Variants in RMND5A observed in about 807,000 individuals in gnomAD.
The protein encoded by RMND5A is required for meiotic nuclear division 5 homolog A.
RMND5A carries 17 observed loss-of-function variants against 49.7 expected under a neutral mutation model. That is an observed-to-expected ratio of 0.34 (90% CI 0.23 to 0.51). The LOEUF (loss-of-function observed/expected upper bound fraction) is 0.51. RMND5A is among the 20% of genes least tolerant of loss of function. The pLI, the probability that RMND5A is intolerant of heterozygous loss-of-function variation, is 0.96. For missense variants in RMND5A, 255 were observed against 471.3 expected (o/e 0.54, Z 4.25); for synonymous variants, 156 against 167.7 (o/e 0.93, Z 0.54).
rs1167011108 is a variant in RMND5A at position 86,774,875 on chromosome 2, A to G, written c.*1464A>G. The G allele has an allele frequency of 6.6e-6, 1 of 152,654 alleles. No homozygotes were observed. Among genetic ancestry groups the G allele is most frequent in the Admixed American group, 6.5e-5 (1 of 15,280 alleles). The allele number at this position is 152,654 out of a possible 1,614,324, so 9.5% of individuals were successfully genotyped here. A position where few individuals can be genotyped will look rare whatever the true frequency, so the allele number is the denominator to read the frequency against. ...AGATTTGGTGCTAAGTTAATTAGAAACTGGCAGCGTTTTACAGTAGTACAC... is the reference window on the plus strand; with the variant it reads ...AGATTTGGTGCTAAGTTAATTAGAAGCTGGCAGCGTTTTACAGTAGTACAC... On this transcript the variant is annotated 3_prime_UTR_variant, in exon 9 of 9. Coordinates refer to ENST00000283632, the MANE Select transcript of RMND5A (RefSeq NM_022780.4).
At chr2:86,765,708 A>G (rs1672578761) in intron 5 of RMND5A, 151 bp from the exon 6 acceptor site, 2 of 609,544 alleles carry the variant, frequency 3.3e-6, no homozygotes, top group Admixed American at 3.2e-5. Flanking sequence ...TTAATTTAGG[A>G]TGAAGGAAGA....
intron 1 of RMND5A, among the ~76,000 whole-genome samples, chr2:86,732,674 T>C (rs1487513541): frequency 6.7e-6 from 1 of 149,672 alleles, no homozygotes; most frequent in Non-Finnish European, 1.5e-5. Flanking sequence ...TATACTTTTA[T>C]AGGGTCACAT....
At chr2:86,732,680 C>A (rs1681353498) in intron 1 of RMND5A, among the ~76,000 whole-genome samples, 1 of 149,114 alleles carries the variant, frequency 6.7e-6, no homozygotes, top group East Asian at 1.9e-4. Context: ...TTTATAGGGT[C>A]ACATTATATA....
Position 86,765,995 on chromosome 2 carries a change from G to T in RMND5A, c.825G>T (p.Gly275=), listed in dbSNP as rs764772902. 6.2e-7 allele frequency: 1 copy of T among 1,614,048 alleles called. No homozygotes were observed. Among genetic ancestry groups the T allele is most frequent in the South Asian group, 1.1e-5 (1 of 91,066 alleles). Residue 275 remains glycine, a synonymous_variant, in exon 6 of 9, where the codon GGG becomes GGT. Transcript: ENST00000283632. ...CACGGGATGCTTGTGCCCTCCTGGG[G>T]CTCTCCGTGGAGTCCCCTCTCAGTG... ...IFTRDACALL[G]LSVESPLSVS... is the part of the protein sequence containing the mutation.
At chr2:86,764,368 C>T (rs547304200) in intron 4 of RMND5A, among the ~76,000 whole-genome samples, 8 of 152,264 alleles carry the variant, frequency 5.3e-5, no homozygotes, top group Admixed American at 3.9e-4. Context: ...TTGGTAGTTC[C>T]AGTTCAAGAT....
At chr2:86,769,788 G>T (rs574074074) in intron 6 of RMND5A, among the ~76,000 whole-genome samples, 1 of 151,880 alleles carries the variant, frequency 6.6e-6, no homozygotes, top group Non-Finnish European at 1.5e-5. Context: ...AACTGGGATT[G>T]GTTTTCAGTA....
At chr2:86,772,525 A>G (rs891840452) in intron 8 of RMND5A, among the ~76,000 whole-genome samples, 2 of 152,194 alleles carry the variant, frequency 1.3e-5, no homozygotes, top group African/African-American at 4.8e-5. Flanking sequence ...TACCTGATAC[A>G]TAAATTCCTA....
intron 4 of RMND5A, among the ~76,000 whole-genome samples, chr2:86,757,339 CTG>C (rs1681761315): frequency 6.6e-6 from 1 of 152,172 alleles, no homozygotes; most frequent in Non-Finnish European, 1.5e-5. Context: ...CCTTGTACCT[CTG>C]AGTTTGTACA....
At position 86,775,658 on chromosome 2, in the gene RMND5A, G is replaced by T. The variant is rs901308901; in HGVS notation, c.*2247G>T. 2 of 152,276 alleles carry T rather than the reference G, an allele frequency of 1.3e-5. 1 individual carries two copies. The highest frequency in any genetic ancestry group is 4.1e-4 in the South Asian group (2 of 4,828). 9.4% of individuals were successfully genotyped at this position (152,276 alleles called of 1,614,324 possible). Reference sequence around the variant, plus strand: ...AGCATTGGACTCTGCAGCTTTCTGTGTAAGGCCCGTGTACTCCCACTGGGC... The same window carrying T: ...AGCATTGGACTCTGCAGCTTTCTGTTTAAGGCCCGTGTACTCCCACTGGGC... On this transcript the variant is annotated 3_prime_UTR_variant, in exon 9 of 9. Coordinates refer to ENST00000283632, the MANE Select transcript of RMND5A (RefSeq NM_022780.4).
intron 6 of RMND5A, among the ~76,000 whole-genome samples, chr2:86,768,629 A>G (rs190520480): frequency 2.6e-4 from 39 of 152,220 alleles, no homozygotes; most frequent in Non-Finnish European, 4.9e-4. Context: ...GTTGTCCCAA[A>G]TTGGGCCTAT....
At chr2:86,745,001 T>A (rs1422874590) in intron 2 of RMND5A, among the ~76,000 whole-genome samples, 1 of 111,910 alleles carries the variant, frequency 8.9e-6, no homozygotes, top group Non-Finnish European at 1.8e-5. Context: ...ATATTTGTTC[T>A]GTGACAATTT....
chr2:86,745,955 A>G (rs920775231), intron 2 of RMND5A, among the ~76,000 whole-genome samples: 4 of 152,228 alleles, frequency 2.6e-5, no homozygotes, highest in African/African-American at 9.6e-5. Context: ...AAGGGGAACA[A>G]TAATAGTTAA....
chr2:86,756,433 A>G (rs1681740929), intron 4 of RMND5A, among the ~76,000 whole-genome samples: 2 of 152,160 alleles, frequency 1.3e-5, no homozygotes, highest in Admixed American at 6.5e-5. Flanking sequence ...TCCTACAGTA[A>G]AGAAACTCAT....
At chr2:86,767,869 A>G (rs1228944536) in intron 6 of RMND5A, among the ~76,000 whole-genome samples, 1 of 152,248 alleles carries the variant, frequency 6.6e-6, no homozygotes, top group East Asian at 1.9e-4. Flanking sequence ...AGTACTACAC[A>G]TATGTGTGAA....
chr2:86,760,194 G>A (rs139975784), intron 4 of RMND5A, among the ~76,000 whole-genome samples: 5,782 of 152,020 alleles, frequency 0.038, 134 homozygotes, highest in Middle Eastern at 0.086. Flanking sequence ...ACAGGCATGC[G>A]CCACCACACC....
intron 2 of RMND5A, among the ~76,000 whole-genome samples, chr2:86,743,977 C>CA (rs11313907): frequency 0.036 from 4,247 of 117,028 alleles, 98 homozygotes; most frequent in African/African-American, 0.073. Flanking sequence ...GACTCCATCT[C>CA]AAAAAAAAAA....
At chr2:86,721,682 C>T (rs1278049579) in intron 1 of RMND5A, among the ~76,000 whole-genome samples, 5 of 151,578 alleles carry the variant, frequency 3.3e-5, no homozygotes, top group African/African-American at 1.2e-4. Context: ...CTTTAGAAGT[C>T]ACAGCGATGA....
At chr2:86,772,162 A>C (rs1022948578) in intron 8 of RMND5A, among the ~76,000 whole-genome samples, 2 of 152,188 alleles carry the variant, frequency 1.3e-5, no homozygotes, top group Non-Finnish European at 2.9e-5. Context: ...AACAGTGCTA[A>C]GTGAAGGCCA....
intron 4 of RMND5A, among the ~76,000 whole-genome samples, chr2:86,762,658 ATT>A (rs1195697848): frequency 1.6e-5 from 2 of 124,730 alleles, no homozygotes; most frequent in East Asian, 2.5e-4. Context: ...AAAAAAAAAT[ATT>A]TTTTTATATA....
Sources: allele counts gnomAD v4.1 joint callset (sites outside exome capture counted in the v4.1 genomes callset), GRCh38; gene constraint gnomAD v4.1.1; transcripts MANE v1.5; gene names NCBI Gene and HGNC (gene_info 2026-07-23, HGNC 2026-07-21).